Variants in MOB3B observed in about 807,000 individuals in gnomAD.
The protein encoded by MOB3B is MOB kinase activator 3B.
Under a neutral mutation model 18.7 loss-of-function variants are expected in MOB3B, and 7 were observed. That is an observed-to-expected ratio of 0.37 (90% CI 0.21 to 0.70). The LOEUF (loss-of-function observed/expected upper bound fraction) is 0.70, where lower values mean the gene tolerates loss of function less well. MOB3B is among the 30% of genes least tolerant of loss of function. MOB3B has a pLI of 0.52. For missense variants in MOB3B, 253 were observed against 281.3 expected (o/e 0.90, Z 0.72); for synonymous variants, 111 against 99.9 (o/e 1.11, Z -0.66).
At chr9:27,424,249 T>C (rs1234123661) in intron 2 of MOB3B, among the ~76,000 whole-genome samples, 1 of 152,162 alleles carries the variant, frequency 6.6e-6, no homozygotes, top group Non-Finnish European at 1.5e-5. Flanking sequence ...ACACTAAGAC[T>C]ACAGACAATG....
intron 3 of MOB3B, among the ~76,000 whole-genome samples, chr9:27,342,561 T>C (rs929502373): frequency 2.0e-5 from 3 of 151,300 alleles, no homozygotes; most frequent in Non-Finnish European, 4.4e-5. Context: ...CACCGCAACC[T>C]CCCTGCCTGA....
chr9:27,510,834 G>A (rs1475665173), intron 1 of MOB3B, among the ~76,000 whole-genome samples: 1 of 152,202 alleles, frequency 6.6e-6, no homozygotes, highest in African/African-American at 2.4e-5. Flanking sequence ...GTTCCACACA[G>A]TGGGGGTCAG....
intron 1 of MOB3B, among the ~76,000 whole-genome samples, chr9:27,505,953 C>G (rs967051510): frequency 6.6e-6 from 1 of 152,218 alleles, no homozygotes; most frequent in Admixed American, 6.5e-5. Flanking sequence ...ACCAATTACA[C>G]GCATGGGCTT....
chr9:27,330,582 G>A lies in MOB3B; in HGVS notation c.*5C>T, dbSNP rs377467078. On this transcript the variant is annotated 3_prime_UTR_variant, in exon 4 of 4. Transcript: ENST00000262244. Reference sequence around the variant, plus strand: ...TTCCTTTCTTCCAAAGGGTGAGGTGGAGCATTAGTGACACATCCTGCTCGT... The same window carrying A: ...TTCCTTTCTTCCAAAGGGTGAGGTGAAGCATTAGTGACACATCCTGCTCGT... 6.2e-7 allele frequency: 1 copy of A among 1,613,856 alleles called. No individual in the cohort carries two copies. Among genetic ancestry groups the A allele is most frequent in the African/African-American group, 1.3e-5 (1 of 74,926 alleles).
At chr9:27,391,767 T>C (rs756575686) in intron 2 of MOB3B, 2 of 152,220 alleles carry the variant, frequency 1.3e-5, no homozygotes, top group Non-Finnish European at 2.9e-5. Flanking sequence ...AGGTATCATA[T>C]GTTCAGTTAA....
At chr9:27,343,700 CTTTTTTTTTTT>C (rs58115889) in intron 3 of MOB3B, among the ~76,000 whole-genome samples, 6 of 123,952 alleles carry the variant, frequency 4.8e-5, no homozygotes, top group African/African-American at 6.3e-5. Flanking sequence ...GAATTTTAGC[CTTTTTTTTTTT>C]TTTTTTTTAG....
At chr9:27,371,594 T>G (rs143055506) in intron 2 of MOB3B, among the ~76,000 whole-genome samples, 54 of 152,330 alleles carry the variant, frequency 3.5e-4, no homozygotes, top group African/African-American at 1.3e-3. Flanking sequence ...AAGTAAATTA[T>G]TTACTTGAAT....
chr9:27,401,462 G>A (rs1821877863), intron 2 of MOB3B, among the ~76,000 whole-genome samples: 1 of 152,148 alleles, frequency 6.6e-6, no homozygotes, highest in Admixed American at 6.6e-5. Context: ...CTGTGTCAAC[G>A]ACAGGTGGGA....
At chr9:27,414,608 T>C (rs1043736298) in intron 2 of MOB3B, among the ~76,000 whole-genome samples, 2 of 152,208 alleles carry the variant, frequency 1.3e-5, no homozygotes, top group African/African-American at 2.4e-5. Flanking sequence ...ATACTCCCTA[T>C]GGCCTTGGAT....
In MOB3B at chr9:27,528,070, G is replaced by A. The variant is rs147703970; in HGVS notation, c.-199+1485C>T. 3.5e-3 allele frequency among the ~76,000 whole-genome samples: 526 copies of A among 152,300 alleles called. 1 individual carries two copies. The highest frequency in any genetic ancestry group is 6.1e-3 in the Non-Finnish European group (412 of 68,026). On this transcript the variant is annotated intron_variant, in intron 1 of 3. Coordinates refer to ENST00000262244, the MANE Select transcript of MOB3B (RefSeq NM_024761.5). ...CTCTTTTTCTACAATGAAGAAAGGGGACTTGGGATTTAAACTTGGAGCGGT... is the reference window on the plus strand; with the variant it reads ...CTCTTTTTCTACAATGAAGAAAGGGAACTTGGGATTTAAACTTGGAGCGGT...
chr9:27,529,475 C>T, intron 1 of MOB3B, 80 bp downstream of exon 1: 7 of 925,150 alleles, frequency 7.6e-6, no homozygotes, highest in Non-Finnish European at 9.0e-6. Flanking sequence ...CCAAACCTCG[C>T]CGCCCGCCCG....
Position 27,490,868 on chromosome 9 carries a change from G to T in MOB3B, c.-198-35120C>A, listed in dbSNP as rs150421359. On this transcript the variant is annotated intron_variant, in intron 1 of 3. Transcript: ENST00000262244. ...TAGGCACAATGGGTAGCTTAAAAGAGGGTCTGAGGAAAGCCCAGAAAAGCA... is the reference window on the plus strand; with the variant it reads ...TAGGCACAATGGGTAGCTTAAAAGATGGTCTGAGGAAAGCCCAGAAAAGCA... Among the ~76,000 whole-genome samples, 40 of 152,226 alleles carry T rather than the reference G, an allele frequency of 2.6e-4. No homozygotes were observed. The East Asian group carries it at 7.5e-3, about 29-fold the overall frequency.
intron 1 of MOB3B, among the ~76,000 whole-genome samples, chr9:27,498,292 T>G (rs115820118): frequency 1.3e-5 from 2 of 152,114 alleles, no homozygotes; most frequent in African/African-American, 4.8e-5. Flanking sequence ...AATCACAGCG[T>G]TTTCCAAGCT....
chr9:27,444,502 G>A (rs1441999560), intron 2 of MOB3B, among the ~76,000 whole-genome samples: 1 of 152,088 alleles, frequency 6.6e-6, no homozygotes, highest in African/African-American at 2.4e-5. Context: ...GAAAAAGTGG[G>A]CCTAAATTTT....
chr9:27,396,793 A>T (rs955120381), intron 2 of MOB3B: 2 of 152,208 alleles, frequency 1.3e-5, no homozygotes, highest in African/African-American at 4.8e-5. Flanking sequence ...TTGGCTGAGC[A>T]AAATGTTAAT....
intron 1 of MOB3B, among the ~76,000 whole-genome samples, chr9:27,495,931 A>G (rs1204486902): frequency 1.3e-5 from 2 of 152,200 alleles, no homozygotes; most frequent in African/African-American, 4.8e-5. Context: ...TCCTGGAGGA[A>G]CAGTAAGTAC....
At chr9:27,401,195 A>T (rs1177106117) in intron 2 of MOB3B, among the ~76,000 whole-genome samples, 1 of 152,160 alleles carries the variant, frequency 6.6e-6, no homozygotes, top group Non-Finnish European at 1.5e-5. Flanking sequence ...TACTCCCTGG[A>T]GCCATTCCCT....
At chr9:27,485,124 A>G (rs918513990) in intron 1 of MOB3B, among the ~76,000 whole-genome samples, 1 of 152,230 alleles carries the variant, frequency 6.6e-6, no homozygotes, top group African/African-American at 2.4e-5. Flanking sequence ...TAATATATCA[A>G]TAACAACAAG....
At chr9:27,498,292 T>C (rs115820118) in intron 1 of MOB3B, among the ~76,000 whole-genome samples, 65 of 152,232 alleles carry the variant, frequency 4.3e-4, no homozygotes, top group Middle Eastern at 6.8e-3. Context: ...AATCACAGCG[T>C]TTTCCAAGCT....
Sources: allele counts gnomAD v4.1 joint callset (sites outside exome capture counted in the v4.1 genomes callset), GRCh38; gene constraint gnomAD v4.1.1; transcripts MANE v1.5; gene names NCBI Gene and HGNC (gene_info 2026-07-23, HGNC 2026-07-21).